Variants in DYRK1A observed in about 807,000 individuals in gnomAD.
DYRK1A encodes dual specificity tyrosine-phosphorylation-regulated kinase 1A.
A neutral mutation model predicts 79.7 loss-of-function variants in DYRK1A; 9 were observed. That is an observed-to-expected ratio of 0.11 (90% CI 0.07 to 0.20). DYRK1A has a LOEUF of 0.20. Ranked by LOEUF, DYRK1A falls within the 10% of genes least tolerant of loss-of-function variation. DYRK1A has a pLI of 1.00. For synonymous variants in DYRK1A, 349 were observed against 329.7 expected (o/e 1.06, Z -0.63); for missense variants, 622 against 956.0 (o/e 0.65, Z 4.61).
At chr21:37,398,112 T>C (rs1387963081) in intron 1 of DYRK1A, among the ~76,000 whole-genome samples, 1 of 147,914 alleles carries the variant, frequency 6.8e-6, no homozygotes, top group African/African-American at 2.5e-5. Flanking sequence ...TATTTTTGTA[T>C]ATTTTATATT....
chr21:37,507,486 T>A (rs562144132), intron 11 of DYRK1A, among the ~76,000 whole-genome samples: 1 of 152,170 alleles, frequency 6.6e-6, no homozygotes, highest in Non-Finnish European at 1.5e-5. Flanking sequence ...CTTGTTCCAC[T>A]TAGGTCCTGC....
At chr21:37,377,640 T>C in intron 1 of DYRK1A, among the ~76,000 whole-genome samples, 1 of 152,158 alleles carries the variant, frequency 6.6e-6, no homozygotes, top group Non-Finnish European at 1.5e-5. Context: ...AGCTAATTTT[T>C]AAATTTTTTG....
At chr21:37,417,533 T>TTC (rs1555959266) in intron 1 of DYRK1A, among the ~76,000 whole-genome samples, 148 of 73,072 alleles carry the variant, frequency 2.0e-3, no homozygotes, top group African/African-American at 4.3e-3. Context: ...CTTTTTCTTT[T>TTC]TTTTTTTTTT....
At chr21:37,502,582 C>T (rs907118073) in intron 9 of DYRK1A, 1 of 152,072 alleles carries the variant, frequency 6.6e-6, no homozygotes, top group African/African-American at 2.4e-5. Flanking sequence ...AACCTCACAA[C>T]ACATTGTTGG....
At chr21:37,438,853 C>T (rs1208236178) in intron 2 of DYRK1A, among the ~76,000 whole-genome samples, 2 of 152,136 alleles carry the variant, frequency 1.3e-5, no homozygotes, top group African/African-American at 4.8e-5. Flanking sequence ...CTAATTTCTT[C>T]AATAAAGTTT....
intron 5 of DYRK1A, among the ~76,000 whole-genome samples, chr21:37,484,584 C>T (rs1184038721): frequency 2.0e-5 from 3 of 152,110 alleles, no homozygotes; most frequent in Non-Finnish European, 4.4e-5. Context: ...CTGCCTTGGC[C>T]TCCCAAATCA....
chr21:37,472,731 T>G lies in DYRK1A; in HGVS notation c.58T>G (p.Ser20Ala). Reference protein sequence around the residue: ...CKPSSVRLAPSFSFHAAGLQM... With the variant: ...CKPSSVRLAPAFSFHAAGLQM... The stretch of plus-strand genomic sequence containing the variant: ...ACCTTCATCTGTTCGGCTTGCACCG[T>G]CATTTTCATTCCATGCTGCTGGCCT... Residue 20 changes from serine (S) to alanine (A), a missense_variant, in exon 3 of 12, where the codon TCA becomes GCA. This residue lies in a region of DYRK1A where 91 missense variants were observed against 113.8 expected (regional missense o/e 0.80). Transcript: ENST00000647188. 1 of 1,610,906 alleles carries G rather than the reference T, an allele frequency of 6.2e-7. No individual in the cohort carries two copies. The highest frequency in any genetic ancestry group is 1.1e-5 in the South Asian group (1 of 90,770).
intron 1 of DYRK1A, among the ~76,000 whole-genome samples, chr21:37,385,376 A>G (rs1298760998): frequency 1.3e-5 from 2 of 152,152 alleles, no homozygotes; most frequent in Non-Finnish European, 2.9e-5. Flanking sequence ...ATCTCTTCTA[A>G]GCTCATATGG....
At chr21:37,505,695 A>T (rs945233433) in intron 10 of DYRK1A, 106 bp downstream of exon 10, 2 of 1,234,854 alleles carry the variant, frequency 1.6e-6, no homozygotes, top group Non-Finnish European at 1.1e-6. Flanking sequence ...AGTGGGGAGC[A>T]GTTACTTTAC....
chr21:37,411,719 C>T (rs1205300274), intron 1 of DYRK1A, among the ~76,000 whole-genome samples: 2 of 152,128 alleles, frequency 1.3e-5, no homozygotes, highest in African/African-American at 4.8e-5. Flanking sequence ...TTAATTTCAT[C>T]ACAAAATACA....
chr21:37,382,092 A>G (rs1283752358), intron 1 of DYRK1A, among the ~76,000 whole-genome samples: 1 of 152,116 alleles, frequency 6.6e-6, no homozygotes, highest in East Asian at 1.9e-4. Context: ...TTGGAAAAGC[A>G]AATCATCACA....
At chr21:37,428,101 A>G (rs1220918809) in intron 2 of DYRK1A, among the ~76,000 whole-genome samples, 1 of 152,194 alleles carries the variant, frequency 6.6e-6, no homozygotes, top group Admixed American at 6.5e-5. Context: ...CCCAGGTCAC[A>G]CAGCTAGTAA....
At chr21:37,420,274 T>C (rs1010441792) in intron 1 of DYRK1A, 25 bp from the exon 2 acceptor site, 28 of 934,196 alleles carry the variant, frequency 3.0e-5, no homozygotes, top group Non-Finnish European at 3.6e-5. Context: ...TTATCTCTTA[T>C]CATAATCTGT....
intron 1 of DYRK1A, among the ~76,000 whole-genome samples, chr21:37,417,529 C>CTTTTTCTTTTTTTTTTTTTTTTTTTT (rs1555959239): frequency 4.5e-5 from 2 of 44,068 alleles, no homozygotes; most frequent in Non-Finnish European, 7.8e-5. Context: ...TTTTCTTTTT[C>CTTTTTCTTTTTTTTTTTTTTTTTTTT]TTTTTTTTTT....
At chr21:37,395,120 A>T (rs764058886) in intron 1 of DYRK1A, among the ~76,000 whole-genome samples, 19 of 152,182 alleles carry the variant, frequency 1.2e-4, no homozygotes, top group Non-Finnish European at 2.2e-4. Flanking sequence ...AGGGATGGGC[A>T]TCCTGTGATT....
intron 2 of DYRK1A, among the ~76,000 whole-genome samples, chr21:37,444,626 A>G (rs898565895): frequency 0.032 from 4 of 124 alleles, no homozygotes; most frequent in Non-Finnish European, 0.068. Flanking sequence ...ATGATTAGTC[A>G]TGGGTGAGGA....
chr21:37,392,828 G>T (rs1011126287), intron 1 of DYRK1A, among the ~76,000 whole-genome samples: 7 of 152,224 alleles, frequency 4.6e-5, no homozygotes, highest in African/African-American at 1.7e-4. Context: ...CAAGATAAAA[G>T]TGTTGGCAGG....
chr21:37,366,665 C>G (rs1302578897), upstream of DYRK1A, among the ~76,000 whole-genome samples: 1 of 151,754 alleles, frequency 6.6e-6, no homozygotes, highest in Admixed American at 6.6e-5. Flanking sequence ...ACGGAATCTG[C>G]CGTTACCTGA....
intron 3 of DYRK1A, among the ~76,000 whole-genome samples, chr21:37,474,885 T>C (rs529749129): frequency 3.0e-4 from 46 of 152,322 alleles, no homozygotes; most frequent in Admixed American, 2.5e-3. Flanking sequence ...ATATGTGTTA[T>C]AGATGCTATT....
Sources: gnomAD v4.1 joint callset for allele counts (sites outside exome capture counted in the v4.1 genomes callset) on GRCh38, gnomAD v4.1.1 for gene constraint, gnomAD v4.1.1 regional missense constraint, MANE v1.5 for transcripts, NCBI Gene and HGNC (gene_info 2026-07-23, HGNC 2026-07-21) for gene names.